Variants in KIAA0825 observed in about 807,000 individuals in gnomAD.
KIAA0825 encodes KIAA0825.
KIAA0825 carries 119 observed loss-of-function variants against 147.6 expected under a neutral mutation model. The ratio of observed to expected loss-of-function variants is 0.81; its 90% confidence interval spans 0.69 to 0.94. KIAA0825 has a LOEUF of 0.94. Ranked by LOEUF, KIAA0825 falls within the 40% of genes least tolerant of loss-of-function variation. The pLI, the probability that KIAA0825 is intolerant of heterozygous loss-of-function variation, is 0.00. For missense variants in KIAA0825, 1,381 were observed against 1,472.7 expected (o/e 0.94, Z 1.02); for synonymous variants, 470 against 518.1 (o/e 0.91, Z 1.26).
intron 20 of KIAA0825, among the ~76,000 whole-genome samples, chr5:94,186,802 T>C (rs989695705): frequency 3.9e-5 from 6 of 152,028 alleles, no homozygotes; most frequent in Non-Finnish European, 8.8e-5. Context: ...GTGAGGGAAG[T>C]AGGAGTTGAA....
chr5:94,417,322 G>T lies in KIAA0825; in HGVS notation c.2541C>A (p.Ser847Arg). 6.5e-7 allele frequency: 1 copy of T among 1,549,970 alleles called. No homozygotes were observed. The highest frequency in any genetic ancestry group is 8.7e-7 in the Non-Finnish European group (1 of 1,145,664). ...ATATTTTAAAGATGGCTTCCATCAA[G>T]CTGGGTCCTTGGTTCAGGTTATTTT... ...DTENNLNQGP[S>R]LMEAIFKILY... Residue 847 changes from serine to arginine, a missense_variant, in exon 15 of 21, where the codon AGC becomes AGA. By Grantham distance (110) the Ser-to-Arg change is moderately radical (BLOSUM62 -1). Transcript: ENST00000682413.
At chr5:94,574,559 A>AG (rs1780636580) in intron 2 of KIAA0825, among the ~76,000 whole-genome samples, 4 of 150,734 alleles carry the variant, frequency 2.7e-5, no homozygotes, top group African/African-American at 9.7e-5. Flanking sequence ...AAAAAAAAAA[A>AG]AAAAAAGAAA....
intron 14 of KIAA0825, among the ~76,000 whole-genome samples, chr5:94,435,945 GT>G (rs1381908295): frequency 6.6e-6 from 1 of 151,950 alleles, no homozygotes; most frequent in Non-Finnish European, 1.5e-5. Flanking sequence ...GTCTGTTCAT[GT>G]CCTTTGCCCA....
chr5:94,330,226 C>T lies in KIAA0825; in HGVS notation c.3710+54142G>A, dbSNP rs564304979. 3.3e-5 allele frequency among the ~76,000 whole-genome samples: 5 copies of T among 152,172 alleles called. No homozygotes were observed. In the South Asian group the frequency reaches 6.2e-4, roughly 19 times the overall value. ...CATAGAAGAGGTGAAAAATATTAAC[C>T]AACATGACCTAACTCATATTTATAG... On this transcript the variant is annotated intron_variant, in intron 20 of 20. Coordinates refer to ENST00000682413, the MANE Select transcript of KIAA0825 (RefSeq NM_001145678.3).
intron 20 of KIAA0825, among the ~76,000 whole-genome samples, chr5:94,197,867 C>T (rs1310576530): frequency 1.3e-5 from 2 of 152,156 alleles, no homozygotes; most frequent in African/African-American, 4.8e-5. Context: ...TGTTTGGTTA[C>T]CATAGCATTG....
chr5:94,214,409 A>G (rs1773024691), intron 20 of KIAA0825, among the ~76,000 whole-genome samples: 1 of 152,150 alleles, frequency 6.6e-6, no homozygotes. Flanking sequence ...CAAACCAATG[A>G]TATAAGAGAA....
intron 15 of KIAA0825, among the ~76,000 whole-genome samples, chr5:94,405,182 G>T (rs1562464823): frequency 6.6e-6 from 1 of 152,116 alleles, no homozygotes; most frequent in African/African-American, 2.4e-5. Context: ...GCTACTAATT[G>T]CTTACCAATT....
At chr5:94,365,821 A>G (rs1365373171) in intron 20 of KIAA0825, among the ~76,000 whole-genome samples, 1 of 152,226 alleles carries the variant, frequency 6.6e-6, no homozygotes, top group African/African-American at 2.4e-5. Flanking sequence ...GAAGATGAGA[A>G]ATTATGTTTT....
At chr5:94,478,530 A>T (rs1284233843) in intron 6 of KIAA0825, among the ~76,000 whole-genome samples, 1 of 151,912 alleles carries the variant, frequency 6.6e-6, no homozygotes, top group Non-Finnish European at 1.5e-5. Context: ...AACTAATCCA[A>T]TGGACTGCAG....
intron 20 of KIAA0825, among the ~76,000 whole-genome samples, chr5:94,198,667 A>G (rs1431529656): frequency 2.6e-5 from 4 of 152,238 alleles, no homozygotes; most frequent in Middle Eastern, 6.8e-3. Flanking sequence ...TAAAACCTAG[A>G]TGATGGGTTG....
chr5:94,417,083 A>T, intron 15 of KIAA0825, 118 bp downstream of exon 15: 1 of 940,254 alleles, frequency 1.1e-6, no homozygotes, highest in South Asian at 1.6e-5. Context: ...AATGTAAGGT[A>T]AACTTTCACC....
intron 1 of KIAA0825, among the ~76,000 whole-genome samples, chr5:94,599,331 GTTTTTTTTTT>G (rs57220290): frequency 3.0e-5 from 3 of 98,516 alleles, no homozygotes; most frequent in South Asian, 3.5e-4. Flanking sequence ...GATTATTTGG[GTTTTTTTTTT>G]TTTTTTTTTT....
rs1371153537 is a variant in KIAA0825, at chr5:94,557,423, T to A, written c.-1-20296A>T. 4.1e-4 allele frequency among the ~76,000 whole-genome samples: 62 copies of A among 151,292 alleles called. 1 individual carries two copies. Among genetic ancestry groups the A allele is most frequent in the Admixed American group, 3.2e-3 (48 of 15,208 alleles). On this transcript the variant is annotated intron_variant, in intron 2 of 20. Coordinates refer to ENST00000682413, the MANE Select transcript of KIAA0825 (RefSeq NM_001145678.3). ...GGCTCCTTTCTTTTTTTTTTTTTTTTAAATCAATTATACAACATACAGATA... is the reference window on the plus strand; with the variant it reads ...GGCTCCTTTCTTTTTTTTTTTTTTTAAAATCAATTATACAACATACAGATA...
At chr5:94,396,806 C>T (rs562358116) in intron 16 of KIAA0825, among the ~76,000 whole-genome samples, 80 of 151,940 alleles carry the variant, frequency 5.3e-4, no homozygotes, top group African/African-American at 1.9e-3. Context: ...TCCTCATTAA[C>T]AAATGCAAAG....
intron 20 of KIAA0825, among the ~76,000 whole-genome samples, chr5:94,265,344 A>G (rs1776694828): frequency 6.6e-6 from 1 of 152,174 alleles, no homozygotes; most frequent in Non-Finnish European, 1.5e-5. Context: ...TTACAAAATC[A>G]AAGCAATTTT....
chr5:94,161,566 A>C (rs1207928984), intron 20 of KIAA0825, among the ~76,000 whole-genome samples: 1 of 152,194 alleles, frequency 6.6e-6, no homozygotes, highest in Non-Finnish European at 1.5e-5. Flanking sequence ...TTGGTCAATT[A>C]ACCACATACT....
chr5:94,240,216 A>G (rs1463518504), intron 20 of KIAA0825, among the ~76,000 whole-genome samples: 1 of 152,214 alleles, frequency 6.6e-6, no homozygotes, highest in African/African-American at 2.4e-5. Flanking sequence ...TAAGGTCACA[A>G]TCCATCATGT....
chr5:94,493,480 T>C (rs985989827), intron 5 of KIAA0825, among the ~76,000 whole-genome samples: 1 of 152,200 alleles, frequency 6.6e-6, no homozygotes, highest in Admixed American at 6.5e-5. Context: ...GTACATACAA[T>C]ATCTGCATTT....
At position 94,609,965 on chromosome 5, in the gene KIAA0825, T is replaced by C. The variant is rs185203317; in HGVS notation, c.-153+8535A>G. Reference sequence around the variant, plus strand: ...GAAGAACTGAACTGCCATGAGCATTTCCGATGGCTAGCATGAATATATGCT... The same window carrying C: ...GAAGAACTGAACTGCCATGAGCATTCCCGATGGCTAGCATGAATATATGCT... On this transcript the variant is annotated intron_variant, in intron 1 of 20. Transcript: ENST00000682413. Among the ~76,000 whole-genome samples, 85 of 152,272 alleles carry C rather than the reference T, an allele frequency of 5.6e-4. 2 individuals are homozygous for C. The highest frequency in any genetic ancestry group is 5.4e-3 in the Admixed American group (82 of 15,296).
Sources: gnomAD v4.1 joint callset for allele counts (sites outside exome capture counted in the v4.1 genomes callset) on GRCh38, gnomAD v4.1.1 for gene constraint, MANE v1.5 for transcripts, NCBI Gene and HGNC (gene_info 2026-07-23, HGNC 2026-07-21) for gene names.